PDE4D: variants seen among roughly 807,000 people sequenced by gnomAD.
The protein encoded by PDE4D is 3',5'-cyclic-AMP phosphodiesterase 4D.
In PDE4D, 24 loss-of-function variants were observed where a neutral mutation model predicts 87.4. The observed-to-expected ratio is 0.27, with a 90% CI of 0.20 to 0.39. The LOEUF is 0.39. PDE4D is among the 10% of genes least tolerant of loss of function. PDE4D has a pLI of 1.00. For synonymous variants in PDE4D, 384 were observed against 383.2 expected (o/e 1.00, Z -0.02); for missense variants, 714 against 1,041.0 (o/e 0.69, Z 4.32).
intron 1 of PDE4D, among the ~76,000 whole-genome samples, chr5:59,389,057 G>T (rs1245528395): frequency 6.6e-6 from 1 of 151,942 alleles, no homozygotes; most frequent in Non-Finnish European, 1.5e-5. Flanking sequence ...TGAGTCAACC[G>T]CAGGGGAGTT....
At chr5:59,337,401 G>A (rs549108137) in intron 1 of PDE4D, among the ~76,000 whole-genome samples, 3 of 143,024 alleles carry the variant, frequency 2.1e-5, no homozygotes, top group African/African-American at 5.2e-5. Flanking sequence ...GTGTGATCTC[G>A]GCTCACTGCA....
At chr5:59,777,196 T>C (rs1764162581) in intron 1 of PDE4D, among the ~76,000 whole-genome samples, 1 of 152,204 alleles carries the variant, frequency 6.6e-6, no homozygotes, top group Non-Finnish European at 1.5e-5. Context: ...TTAGTTCGGG[T>C]ACTGGCTGCC....
chr5:60,241,493 C>T (rs1268181981), intron 1 of PDE4D, among the ~76,000 whole-genome samples: 3 of 151,954 alleles, frequency 2.0e-5, no homozygotes, highest in Non-Finnish European at 4.4e-5. Context: ...AGGCTGGTCT[C>T]AAACTCCTGA....
intron 1 of PDE4D, among the ~76,000 whole-genome samples, chr5:59,284,437 T>G (rs1470218914): frequency 6.6e-6 from 1 of 152,090 alleles, no homozygotes; most frequent in Non-Finnish European, 1.5e-5. Context: ...TTTTCATGTG[T>G]TTTTTGGCTG....
At chr5:59,279,201 T>C (rs1366538448) in intron 1 of PDE4D, among the ~76,000 whole-genome samples, 1 of 152,126 alleles carries the variant, frequency 6.6e-6, no homozygotes, top group Non-Finnish European at 1.5e-5. Flanking sequence ...GCCTCTCAAA[T>C]ATGCTGAAAT....
intron 2 of PDE4D, among the ~76,000 whole-genome samples, chr5:60,127,240 A>G (rs1269291420): frequency 6.6e-6 from 1 of 152,190 alleles, no homozygotes; most frequent in East Asian, 1.9e-4. Context: ...GCTGGAGACA[A>G]GGTGTGATTC....
chr5:60,145,516 T>C (rs1235695819), intron 2 of PDE4D, among the ~76,000 whole-genome samples: 3 of 152,258 alleles, frequency 2.0e-5, no homozygotes, highest in Admixed American at 2.0e-4. Context: ...GCTTTGCTTT[T>C]ACTTCACAAA....
chr5:59,673,129 C>A (rs143755826), intron 1 of PDE4D, among the ~76,000 whole-genome samples: 1 of 152,200 alleles, frequency 6.6e-6, no homozygotes, highest in Non-Finnish European at 1.5e-5. Context: ...AATGGACACT[C>A]TATATGCATC....
At chr5:59,012,745 G>A (rs181436262) in intron 6 of PDE4D, among the ~76,000 whole-genome samples, 2 of 152,192 alleles carry the variant, frequency 1.3e-5, no homozygotes, top group East Asian at 3.9e-4. Context: ...ACAGATCAAC[G>A]AGACAGAAAA....
chr5:59,296,168 T>C (rs919763994), intron 1 of PDE4D, among the ~76,000 whole-genome samples: 1 of 152,172 alleles, frequency 6.6e-6, no homozygotes, highest in Non-Finnish European at 1.5e-5. Context: ...CATACTGATG[T>C]ACTGCTTTAT....
intron 1 of PDE4D, among the ~76,000 whole-genome samples, chr5:59,543,848 A>C (rs1465908634): frequency 2.0e-5 from 3 of 152,248 alleles, no homozygotes; most frequent in Non-Finnish European, 4.4e-5. Context: ...GAAAAAATGC[A>C]CTTGAAAGCA....
intron 1 of PDE4D, among the ~76,000 whole-genome samples, chr5:59,821,768 C>T (rs538447126): frequency 1.3e-5 from 2 of 152,256 alleles, no homozygotes; most frequent in South Asian, 4.2e-4. Context: ...TGTATCATTT[C>T]CAATTTCTAC....
intron 1 of PDE4D, among the ~76,000 whole-genome samples, chr5:59,783,350 G>A (rs187279455): frequency 1.2e-3 from 183 of 152,232 alleles, no homozygotes; most frequent in Non-Finnish European, 2.2e-3. Context: ...TCAAGATTTG[G>A]AGCCATCCCA....
intron 1 of PDE4D, among the ~76,000 whole-genome samples, chr5:60,208,195 G>A (rs540827311): frequency 9.2e-5 from 14 of 152,318 alleles, no homozygotes; most frequent in African/African-American, 3.1e-4. Context: ...CATTCTGTGA[G>A]ATGGTGATAT....
rs555865050 is a variant in PDE4D, at chr5:59,013,761, T to C, written c.922-20296A>G. Among the ~76,000 whole-genome samples the C allele has an allele frequency of 1.8e-3, 277 of 151,304 alleles. 1 individual carries two copies. The highest frequency in any genetic ancestry group is 6.1e-3 in the African/African-American group (253 of 41,186). On this transcript the variant is annotated intron_variant, in intron 6 of 14. Coordinates refer to ENST00000340635, the MANE Select transcript of PDE4D (RefSeq NM_001104631.2). Reference sequence around the variant, plus strand: ...TTCCTTCTGAAACTATTCCAATCAATAGAAAAAGAGGGAATCCTCCCTAAC... The same window carrying C: ...TTCCTTCTGAAACTATTCCAATCAACAGAAAAAGAGGGAATCCTCCCTAAC...
At chr5:59,327,915 G>A (rs895813551) in intron 1 of PDE4D, among the ~76,000 whole-genome samples, 3 of 152,130 alleles carry the variant, frequency 2.0e-5, no homozygotes, top group East Asian at 3.9e-4. Flanking sequence ...TTCTAGAGGT[G>A]GATAAGGGGG....
chr5:59,263,905 G>A (rs527960941), intron 1 of PDE4D, among the ~76,000 whole-genome samples: 53 of 151,972 alleles, frequency 3.5e-4, no homozygotes, highest in Admixed American at 7.9e-4. Context: ...GATTACAGGG[G>A]TGACCTTTGA....
intron 1 of PDE4D, among the ~76,000 whole-genome samples, chr5:59,477,373 A>AAAAAT (rs1554190139): frequency 1.3e-4 from 18 of 143,110 alleles, no homozygotes; most frequent in East Asian, 9.9e-4. Flanking sequence ...AAAAAAAAAA[A>AAAAAT]ATTAAAGAAT....
At chr5:59,253,945 T>C (rs1055220965) in intron 1 of PDE4D, among the ~76,000 whole-genome samples, 2 of 152,172 alleles carry the variant, frequency 1.3e-5, no homozygotes, top group African/African-American at 4.8e-5. Context: ...GATTCTTTCC[T>C]ATCATTTAAT....
Sources: allele counts gnomAD v4.1 joint callset (sites outside exome capture counted in the v4.1 genomes callset), GRCh38; gene constraint gnomAD v4.1.1; transcripts MANE v1.5; gene names NCBI Gene and HGNC (gene_info 2026-07-23, HGNC 2026-07-21).